Variants in PDZD2 observed in about 807,000 individuals in gnomAD.
The protein encoded by PDZD2 is PDZ domain-containing protein 2.
A neutral mutation model predicts 220.7 loss-of-function variants in PDZD2; 90 were observed. The ratio of observed to expected loss-of-function variants is 0.41; its 90% CI spans 0.34 to 0.49. PDZD2 has a LOEUF of 0.49. Among genes scored for constraint, PDZD2 ranks in the 20% least tolerant of loss-of-function variants. PDZD2 has a pLI of 0.28. For synonymous variants in PDZD2, 1,375 were observed against 1,450.5 expected, an observed-to-expected ratio of 0.95 and a Z score of 1.18; for missense variants, 3,174 against 3,608.5, an observed-to-expected ratio of 0.88 and a Z score of 3.08.
chr5:32,010,554 G>A, intron 6 of PDZD2, 72 bp downstream of exon 6: 1 of 1,027,316 alleles, frequency 9.7e-7, no homozygotes, highest in Non-Finnish European at 1.5e-6. Flanking sequence ...CAGGATTAGG[G>A]GATAAATGCT....
chr5:31,887,219 G>A (rs1740588275), intron 2 of PDZD2, among the ~76,000 whole-genome samples: 1 of 152,154 alleles, frequency 6.6e-6, no homozygotes, highest in African/African-American at 2.4e-5. Context: ...TAGGCTCTAG[G>A]GGAAAAGCAG....
chr5:31,991,782 A>G (rs1751229136), intron 3 of PDZD2, among the ~76,000 whole-genome samples: 1 of 152,174 alleles, frequency 6.6e-6, no homozygotes, highest in South Asian at 2.1e-4. Flanking sequence ...TAATCTCAGC[A>G]CTTTGGGAGG....
intron 2 of PDZD2, among the ~76,000 whole-genome samples, chr5:31,970,184 C>T (rs10076507): frequency 0.014 from 2,119 of 152,136 alleles, 43 homozygotes; most frequent in African/African-American, 0.05. Context: ...CGTGAGCCAC[C>T]GCGCCCGGCC....
chr5:31,664,404 A>G (rs986795318), intron 1 of PDZD2, among the ~76,000 whole-genome samples: 1 of 152,084 alleles, frequency 6.6e-6, no homozygotes, highest in Non-Finnish European at 1.5e-5. Context: ...AATCTTATAC[A>G]GGCCAGGGCC....
chr5:32,108,983 C>CTTGA lies in PDZD2; in HGVS notation c.*850_*853dup, dbSNP rs1395245474. The CTTGA allele has an allele frequency of 6.6e-6, 1 of 152,644 alleles. No individual in the cohort carries two copies. The highest frequency in any genetic ancestry group is 1.5e-5 in the Non-Finnish European group (1 of 68,044). The allele number at this position is 152,644 out of a possible 1,614,324, so 9.5% of individuals were successfully genotyped here. ...CCTTACAACTAGTTTTTGAACCTGT[C>CTTGA]TTGATAAGTGCTTGAATTCAAGACT... On this transcript the variant is annotated 3_prime_UTR_variant, in exon 25 of 25. Coordinates refer to ENST00000438447, the MANE Select transcript of PDZD2 (RefSeq NM_178140.4).
chr5:31,784,593 A>G (rs1164195199), intron 1 of PDZD2, among the ~76,000 whole-genome samples: 1 of 152,230 alleles, frequency 6.6e-6, no homozygotes, highest in Non-Finnish European at 1.5e-5. Context: ...AACAGGGACA[A>G]AAACTCTAAG....
chr5:31,838,219 A>G (rs1757065043), intron 2 of PDZD2, among the ~76,000 whole-genome samples: 1 of 152,036 alleles, frequency 6.6e-6, no homozygotes. Flanking sequence ...CATCACACCC[A>G]GCTAATTTTT....
At chr5:31,718,670 A>AT in intron 1 of PDZD2, among the ~76,000 whole-genome samples, 1 of 142,288 alleles carries the variant, frequency 7.0e-6, no homozygotes, top group East Asian at 2.1e-4. Context: ...GTTAGGTTGG[A>AT]TTAGGGCCCA....
At chr5:31,916,732 T>C (rs981681) in intron 2 of PDZD2, among the ~76,000 whole-genome samples, 140,460 of 152,108 alleles carry the variant, frequency 0.92, 65,036 homozygotes, top group East Asian at 0.98. Context: ...GTACAAAACC[T>C]CCTTGCATAG....
At chr5:31,689,783 A>T (rs1018522265) in intron 1 of PDZD2, among the ~76,000 whole-genome samples, 3 of 152,040 alleles carry the variant, frequency 2.0e-5, no homozygotes, top group Non-Finnish European at 4.4e-5. Context: ...GAAGGTTATG[A>T]TGTTCTCCTT....
At chr5:31,801,183 G>A (rs1483941341) in intron 2 of PDZD2, among the ~76,000 whole-genome samples, 2 of 152,212 alleles carry the variant, frequency 1.3e-5, no homozygotes, top group Admixed American at 1.3e-4. Context: ...CTGGCTCACA[G>A]GTGTGAGGAC....
chr5:31,693,833 G>A (rs1462260215), intron 1 of PDZD2, among the ~76,000 whole-genome samples: 1 of 152,128 alleles, frequency 6.6e-6, no homozygotes, highest in African/African-American at 2.4e-5. Context: ...CTGCCCTTAT[G>A]GTCAGAAAAC....
chr5:31,948,982 C>T (rs1746919471), intron 2 of PDZD2, among the ~76,000 whole-genome samples: 1 of 151,312 alleles, frequency 6.6e-6, no homozygotes. Flanking sequence ...GCCTGTAATC[C>T]CAGCTACTCG....
At chr5:31,888,540 A>C (rs908304969) in intron 2 of PDZD2, among the ~76,000 whole-genome samples, 2 of 152,136 alleles carry the variant, frequency 1.3e-5, no homozygotes, top group African/African-American at 4.8e-5. Flanking sequence ...GGTCAGGGCT[A>C]CGTACTCCGA....
At chr5:31,803,011 A>C (rs982609543) in intron 2 of PDZD2, among the ~76,000 whole-genome samples, 1 of 151,584 alleles carries the variant, frequency 6.6e-6, no homozygotes, top group African/African-American at 2.4e-5. Context: ...GCCACACCAC[A>C]TAGGGCTACA....
intron 1 of PDZD2, among the ~76,000 whole-genome samples, chr5:31,790,747 G>A (rs942893361): frequency 2.3e-5 from 3 of 130,858 alleles, no homozygotes; most frequent in Admixed American, 1.8e-4. Context: ...CGCTCAGGCC[G>A]GACTGCAGTG....
At chr5:31,930,913 G>A (rs556626042) in intron 2 of PDZD2, among the ~76,000 whole-genome samples, 14 of 152,182 alleles carry the variant, frequency 9.2e-5, no homozygotes, top group Middle Eastern at 3.4e-3. Flanking sequence ...AGCAAGGGTG[G>A]AGGGGAGAGA....
intron 2 of PDZD2, among the ~76,000 whole-genome samples, chr5:31,967,363 T>C (rs1232055149): frequency 6.6e-6 from 1 of 152,214 alleles, no homozygotes; most frequent in Non-Finnish European, 1.5e-5. Context: ...GGCCGCCTTT[T>C]GGATGCTGCA....
At chr5:31,871,756 G>C (rs1217207516) in intron 2 of PDZD2, among the ~76,000 whole-genome samples, 2 of 152,052 alleles carry the variant, frequency 1.3e-5, no homozygotes, top group African/African-American at 4.8e-5. Context: ...GCCCGTACTT[G>C]AGCTTTCATC....
Sources: allele counts gnomAD v4.1 joint callset (sites outside exome capture counted in the v4.1 genomes callset), GRCh38; gene constraint gnomAD v4.1.1; transcripts MANE v1.5; gene names NCBI Gene and HGNC (gene_info 2026-07-23, HGNC 2026-07-21).